MYEF2: variants seen among roughly 807,000 people sequenced by gnomAD.
MYEF2 encodes myelin expression factor 2.
In MYEF2, 37 loss-of-function variants were observed where a neutral mutation model predicts 75.2. The ratio of observed to expected loss-of-function variants is 0.49; its 90% CI spans 0.38 to 0.65. The LOEUF (loss-of-function observed/expected upper bound fraction) is 0.65. MYEF2 is among the 30% of genes least tolerant of loss of function. The pLI is 0.00. For synonymous variants in MYEF2, 195 were observed against 241.6 expected (o/e 0.81, Z 1.79); for missense variants, 634 against 771.4 (o/e 0.82, Z 2.11).
At chr15:48,156,756 A>T (rs1488257096) in intron 9 of MYEF2, among the ~76,000 whole-genome samples, 2 of 151,992 alleles carry the variant, frequency 1.3e-5, no homozygotes, top group African/African-American at 4.8e-5. Context: ...ATCTATCAAC[A>T]TAAATGAATC....
At chr15:48,162,340 C>T (rs1443456983) in intron 5 of MYEF2, among the ~76,000 whole-genome samples, 1 of 152,108 alleles carries the variant, frequency 6.6e-6, no homozygotes, top group African/African-American at 2.4e-5. Context: ...AAATAGCCAA[C>T]ACTAAATGGT....
At chr15:48,153,638 C>A in intron 10 of MYEF2, 154 bp downstream of exon 10, 1 of 644,092 alleles carries the variant, frequency 1.6e-6, no homozygotes. Context: ...TAGCTGTGCT[C>A]AAGGTTTCAT....
rs774176416 is a variant in MYEF2, at chr15:48,158,754, T to C, written c.871+15A>G. 8.1e-6 allele frequency: 13 copies of C among 1,613,194 alleles called. No individual in the cohort carries two copies. Among genetic ancestry groups the C allele is most frequent in the Non-Finnish European group, 1.1e-5 (13 of 1,179,452 alleles). ...TTCAACCTCATAAACAATGCTGAAA[T>C]GTAAATCAGGATACAAATTGCTTGA... On this transcript the variant is annotated intron_variant, in intron 7 of 16. Coordinates refer to ENST00000324324, the MANE Select transcript of MYEF2 (RefSeq NM_016132.5).
chr15:48,149,239 C>G lies in MYEF2; in HGVS notation c.1511G>C (p.Gly504Ala), dbSNP rs2039400800. 1 of 1,613,428 alleles carries G rather than the reference C, an allele frequency of 6.2e-7. No homozygotes were observed. Among genetic ancestry groups the G allele is most frequent in the East Asian group, 2.2e-5 (1 of 44,874 alleles). Residue 504 changes from glycine to alanine, a missense_variant, in exon 15 of 17, where the codon GGA becomes GCA. Physicochemically the swap from Gly to Ala is moderately conservative, Grantham distance 60. Transcript: ENST00000324324. The surrounding 1 kb of genome is among the most constrained non-coding windows in gnomAD (Gnocchi z 4.0). ...GCTTCCCATTGGACCCGATAAAAAT[C>G]CTCGATCCATATCGATGCTCCTTTC... ...ILERSIDMDR[G>A]FLSGPMGSGM...
At chr15:48,160,307 T>C (rs1219170557) in intron 5 of MYEF2, among the ~76,000 whole-genome samples, 1 of 152,024 alleles carries the variant, frequency 6.6e-6, no homozygotes, top group Non-Finnish European at 1.5e-5. Context: ...CTGAACAAAA[T>C]ACAGTTACCC....
Position 48,149,044 on chromosome 15 carries a change from A to G in MYEF2, c.1627T>C (p.Phe543Leu). The stretch of plus-strand genomic sequence containing the variant: ...TTTGCATACTTACCACACTGACTGA[A>G]TTTCTCTTTTAGTTTCTGCCAAGTC... ...DLTWQKLKEK[F>L]SQCGHVMFAE... The change falls in exon 16 of 17, where the codon TTC (phenylalanine) becomes CTC (leucine). Residue 543 changes from phenylalanine to leucine, a missense_variant. Coordinates refer to ENST00000324324, the MANE Select transcript of MYEF2 (RefSeq NM_016132.5). The surrounding 1 kb of genome is among the most constrained non-coding windows in gnomAD (Gnocchi z 4.0). The G allele has an allele frequency of 6.2e-7, 1 of 1,613,160 alleles. No individual in the cohort carries two copies.
chr15:48,178,024 G>A (rs932905236), intron 1 of MYEF2, 53 bp downstream of exon 1: 28 of 1,547,392 alleles, frequency 1.8e-5, no homozygotes, highest in Non-Finnish European at 2.4e-5. Context: ...CTAGCCGCCC[G>A]GTAGACTCCC....
intron 10 of MYEF2, chr15:48,153,502 C>A (rs2039574674): frequency 9.4e-6 from 2 of 213,548 alleles, no homozygotes; most frequent in African/African-American, 4.6e-5. Flanking sequence ...TCCATAAATA[C>A]TGTTCATAGA....
In MYEF2 at chr15:48,135,146, GTTC is replaced by G. The variant is rs2038865701; in HGVS notation, c.*7759_*7761del. On this transcript the variant is annotated 3_prime_UTR_variant, in exon 17 of 17. Transcript: ENST00000324324. ...TAACCTCATCACAATTGCTGATTGA[GTTC>G]TTCTCACTAGTTTGCAATTTCTTCT... is the stretch of plus-strand genomic sequence containing the variant. The G allele has an allele frequency of 3.7e-6, 2 of 541,416 alleles. No individual in the cohort carries two copies. Among genetic ancestry groups the G allele is most frequent in the East Asian group, 2.9e-5 (1 of 34,086 alleles). 33.5% of individuals were successfully genotyped at this position (541,416 alleles called of 1,614,324 possible).
Position 48,134,988 on chromosome 15 carries a change from A to G in MYEF2, c.*7920T>C, listed in dbSNP as rs530184161. Reference sequence around the variant, plus strand: ...TATATGACAACCAAGTTTACTGGTAAGCTTGAAAATAATTCTTATGTAAAA... The same window carrying G: ...TATATGACAACCAAGTTTACTGGTAGGCTTGAAAATAATTCTTATGTAAAA... On this transcript the variant is annotated 3_prime_UTR_variant, in exon 17 of 17. Transcript: ENST00000324324. 6.7e-5 allele frequency: 107 copies of G among 1,587,892 alleles called. No homozygotes were observed. The highest frequency in any genetic ancestry group is 9.0e-5 in the Non-Finnish European group (105 of 1,161,450).
intron 10 of MYEF2, chr15:48,153,591 A>C (rs2039577583): frequency 7.7e-6 from 4 of 516,978 alleles, no homozygotes. Flanking sequence ...GCTGGCCCCA[A>C]AGAAACCCTC....
chr15:48,170,120 CTGTTGTTGT>C (rs748883983), intron 1 of MYEF2, among the ~76,000 whole-genome samples: 1 of 151,470 alleles, frequency 6.6e-6, no homozygotes, highest in Non-Finnish European at 1.5e-5. Context: ...GTTTTTGTTG[CTGTTGTTGT>C]TGTTGTTGTT....
intron 1 of MYEF2, among the ~76,000 whole-genome samples, chr15:48,174,391 AT>A (rs34660334): frequency 0.94 from 138,471 of 146,716 alleles, 65,404 homozygotes; most frequent in East Asian, 0.99. Flanking sequence ...CTTGGCAATG[AT>A]TTTTTTTTTT....
At position 48,159,729 on chromosome 15, in the gene MYEF2, T is replaced by C; in HGVS notation, c.601A>G (p.Met201Val). ...GSFPGGHVPD[M>V]GSGLMNLPPS... Reference sequence around the variant, plus strand: ...GGTAAATTCATCAACCCTGATCCCATATCAGGGACGTGTCCTCCTGGAAAT... The same window carrying C: ...GGTAAATTCATCAACCCTGATCCCACATCAGGGACGTGTCCTCCTGGAAAT... Residue 201 changes from methionine to valine, a missense_variant, in exon 6 of 17, where the codon ATG becomes GTG. Transcript: ENST00000324324. The C allele has an allele frequency of 6.2e-7, 1 of 1,613,386 alleles. No individual in the cohort carries two copies. The highest frequency in any genetic ancestry group is 8.5e-7 in the Non-Finnish European group (1 of 1,179,490).
intron 12 of MYEF2, 90 bp from the exon 13 acceptor site, chr15:48,151,661 C>G: frequency 7.7e-7 from 1 of 1,294,676 alleles, no homozygotes; most frequent in South Asian, 1.3e-5. Flanking sequence ...TGAAAAGACG[C>G]GTAAGTCACA....
chr15:48,151,389 C>T, intron 13 of MYEF2, 84 bp downstream of exon 13: 1 of 1,293,400 alleles, frequency 7.7e-7, no homozygotes, highest in East Asian at 2.3e-5. Flanking sequence ...TTATGATTTT[C>T]TGATTTTTCA....
Position 48,139,117 on chromosome 15 carries a change from G to A in MYEF2, c.*3791C>T. On this transcript the variant is annotated 3_prime_UTR_variant, in exon 17 of 17. Coordinates refer to ENST00000324324, the MANE Select transcript of MYEF2 (RefSeq NM_016132.5). ...ACTACTTTGTGATAACCTTTTTCATGTCTGCAATATGGATATCCGCATTTA... is the reference window on the plus strand; with the variant it reads ...ACTACTTTGTGATAACCTTTTTCATATCTGCAATATGGATATCCGCATTTA... The A allele has an allele frequency of 1.9e-6, 3 of 1,613,038 alleles. No homozygotes were observed. The highest frequency in any genetic ancestry group is 2.2e-5 in the East Asian group (1 of 44,750).
At chr15:48,154,785 G>A (rs987308173) in intron 9 of MYEF2, among the ~76,000 whole-genome samples, 1 of 152,014 alleles carries the variant, frequency 6.6e-6, no homozygotes, top group South Asian at 2.1e-4. Flanking sequence ...GTCTATAAAA[G>A]CAGAGGAGTG....
At chr15:48,163,064 G>A (rs576238063) in intron 5 of MYEF2, among the ~76,000 whole-genome samples, 43 of 152,192 alleles carry the variant, frequency 2.8e-4, no homozygotes, top group African/African-American at 1.0e-3. Context: ...TGAAAAGCCG[G>A]GCCTCTTGCA....
Sources: gnomAD v4.1 joint callset for allele counts (sites outside exome capture counted in the v4.1 genomes callset) on GRCh38, gnomAD v4.1.1 for gene constraint, Gnocchi (gnomAD v3.1) non-coding constraint, MANE v1.5 for transcripts, NCBI Gene and HGNC (gene_info 2026-07-23, HGNC 2026-07-21) for gene names.